The following DNAJA3 variants were observed in gnomAD, a reference collection of about 807,000 sequenced individuals.
DNAJA3 encodes the protein dnaJ homolog subfamily A member 3, mitochondrial.
Under a neutral mutation model 54.9 loss-of-function variants are expected in DNAJA3, and 29 were observed. That is an observed-to-expected ratio of 0.53 (90% CI 0.39 to 0.72). The LOEUF (loss-of-function observed/expected upper bound fraction) is 0.72, where lower values mean the gene tolerates loss of function less well. Ranked by LOEUF, DNAJA3 falls within the 30% of genes least tolerant of loss-of-function variation. The probability of loss-of-function intolerance (pLI) is 0.00; values close to 1 mark genes in which losing one functional copy is unlikely to be tolerated. For missense variants in DNAJA3, 708 were observed against 639.4 expected, an observed-to-expected ratio of 1.11 and a Z score of -1.16; for synonymous variants, 302 against 251.4, an observed-to-expected ratio of 1.20 and a Z score of -1.90.
In DNAJA3 at chr16:4,437,509, G is replaced by A. The variant is rs372179774; in HGVS notation, c.429+24G>A. 5.0e-6 allele frequency: 8 copies of A among 1,593,160 alleles called. No individual in the cohort carries two copies. In the African/African-American group the frequency reaches 1.1e-4, roughly 21 times the overall value. ...AGGTAATATGACTTCGGTGCATGCG[G>A]TCACTGCTGTTCAGCTATGTGTATG... On this transcript the variant is annotated intron_variant, in intron 3 of 11. Transcript: ENST00000262375.
intron 3 of DNAJA3, 80 bp downstream of exon 3, chr16:4,437,565 C>T (rs560380070): frequency 7.7e-6 from 9 of 1,168,152 alleles, no homozygotes; most frequent in Non-Finnish European, 1.1e-5. Flanking sequence ...CCTGGGACAG[C>T]CTGGTGTGTC....
chr16:4,453,001 T>G (rs1444005284), intron 10 of DNAJA3, among the ~76,000 whole-genome samples: 2 of 152,194 alleles, frequency 1.3e-5, no homozygotes, highest in African/African-American at 4.8e-5. Flanking sequence ...CATCCACATA[T>G]GACAGTATTA....
chr16:4,448,977 A>G (rs931555681), intron 9 of DNAJA3, 129 bp downstream of exon 9: 19 of 665,880 alleles, frequency 2.9e-5, no homozygotes, highest in Admixed American at 2.3e-4. Flanking sequence ...ATCTGTCTGT[A>G]AAGTGGACAT....
rs757677342 is a variant in DNAJA3, at chr16:4,444,735, G to T, written c.996+7G>T. 6.2e-7 allele frequency: 1 copy of T among 1,612,934 alleles called. No homozygotes were observed. The highest frequency in any genetic ancestry group is 8.5e-7 in the Non-Finnish European group (1 of 1,179,186). The stretch of plus-strand genomic sequence containing the variant: ...AATTTTCATTACGTTCAGGGTAGGT[G>T]CCCTGCCCCGCACAGCTTCTGTTGG... On this transcript the variant is annotated splice_region_variant and intron_variant, in intron 7 of 11. Transcript: ENST00000262375.
intron 7 of DNAJA3, 117 bp from the exon 8 acceptor site, chr16:4,446,769 A>T (rs1035753049): frequency 1.6e-6 from 2 of 1,251,386 alleles, no homozygotes; most frequent in African/African-American, 3.0e-5. Context: ...ACTGCACTTT[A>T]TGTATGGAAG....
chr16:4,448,338 AC>A (rs1468967710), intron 8 of DNAJA3, among the ~76,000 whole-genome samples: 20 of 132,658 alleles, frequency 1.5e-4, no homozygotes, highest in East Asian at 4.4e-4. Flanking sequence ...TTTTTTACCC[AC>A]CCCCTCCACC....
chr16:4,452,642 C>T (rs2056991617), intron 10 of DNAJA3, among the ~76,000 whole-genome samples: 1 of 152,174 alleles, frequency 6.6e-6, no homozygotes, highest in South Asian at 2.1e-4. Context: ...GATGCAGCGG[C>T]TCACACCTAT....
Position 4,454,834 on chromosome 16 carries a change from G to C in DNAJA3, c.1363G>C (p.Ala455Pro). 1.2e-6 allele frequency: 2 copies of C among 1,613,962 alleles called. No homozygotes were observed. The highest frequency in any genetic ancestry group is 2.2e-5 in the South Asian group (2 of 91,068). Residue 455 changes from alanine to proline, a missense_variant, in exon 11 of 12, where the codon GCA (alanine) becomes CCA (proline). Coordinates refer to ENST00000262375, the MANE Select transcript of DNAJA3 (RefSeq NM_005147.6). ...SSGGSTMDSS[A>P]GSKARREAGE... is the part of the protein sequence containing the mutation. ...AGGTGGCAGCACCATGGATAGCTCC[G>C]CAGGAAGCAAGGCTAGGCGTGAGGC...
rs61758418 is a variant in DNAJA3, at chr16:4,454,853, G to T, written c.1382G>T (p.Arg461Leu). Residue 461 changes from arginine to leucine, a missense_variant, in exon 11 of 12, where the codon CGT (arginine) becomes CTT (leucine). Physicochemically the swap from Arg to Leu is moderately radical, Grantham distance 102. Coordinates refer to ENST00000262375, the MANE Select transcript of DNAJA3 (RefSeq NM_005147.6). ...MDSSAGSKARREAGEDEEGFL... is the reference protein window; with the variant it reads ...MDSSAGSKARLEAGEDEEGFL... Reference sequence around the variant, plus strand: ...AGCTCCGCAGGAAGCAAGGCTAGGCGTGAGGCTGGGGAGGACGAGGAGGGA... The same window carrying T: ...AGCTCCGCAGGAAGCAAGGCTAGGCTTGAGGCTGGGGAGGACGAGGAGGGA... The T allele has an allele frequency of 1.2e-6, 2 of 1,614,128 alleles. No homozygotes were observed. The highest frequency in any genetic ancestry group is 1.7e-5 in the Admixed American group (1 of 60,022).
chr16:4,444,628 C>G (rs765161342), intron 6 of DNAJA3, 36 bp from the exon 7 acceptor site: 1 of 1,600,964 alleles, frequency 6.2e-7, no homozygotes, highest in Non-Finnish European at 8.6e-7. Context: ...GCCACCGCGT[C>G]CTGCCTAACT....
At chr16:4,449,022 A>G (rs2056942981) in intron 9 of DNAJA3, among the ~76,000 whole-genome samples, 174 bp downstream of exon 9, 1 of 151,978 alleles carries the variant, frequency 6.6e-6, no homozygotes, top group Non-Finnish European at 1.5e-5. Context: ...TTTGAGATGG[A>G]GTCTCGCTGT....
At chr16:4,428,152 C>T (rs141376200) in intron 1 of DNAJA3, among the ~76,000 whole-genome samples, 124 of 152,122 alleles carry the variant, frequency 8.2e-4, no homozygotes, top group African/African-American at 2.7e-3. Flanking sequence ...AGGGTTTCAC[C>T]GTGTTAGCCA....
chr16:4,442,683 A>G (rs1211197841), intron 5 of DNAJA3: 2 of 519,424 alleles, frequency 3.9e-6, no homozygotes, highest in Non-Finnish European at 6.7e-6. Flanking sequence ...TTATTTTTCT[A>G]ACAATTGCTT....
intron 5 of DNAJA3, 31 bp from the exon 6 acceptor site, chr16:4,442,986 C>T (rs1208172733): frequency 6.2e-7 from 1 of 1,608,946 alleles, no homozygotes; most frequent in South Asian, 1.1e-5. Flanking sequence ...TACCTGCGTA[C>T]TTAGGTTACC....
At position 4,437,390 on chromosome 16, in the gene DNAJA3, T is replaced by A; in HGVS notation, c.346-12T>A. On this transcript the variant is annotated splice_polypyrimidine_tract_variant and intron_variant, in intron 2 of 11. Coordinates refer to ENST00000262375, the MANE Select transcript of DNAJA3 (RefSeq NM_005147.6). ...ATTGTATCTGGAGTAATTTATCATG[T>A]TTTTCCCTTAGCTTGCCAAGAAGTA... 6.2e-7 allele frequency: 1 copy of A among 1,612,606 alleles called. No homozygotes were observed. The highest frequency in any genetic ancestry group is 1.3e-5 in the African/African-American group (1 of 74,996).
intron 1 of DNAJA3, among the ~76,000 whole-genome samples, chr16:4,426,499 A>T (rs1270690081): frequency 6.6e-6 from 1 of 152,214 alleles, no homozygotes; most frequent in Non-Finnish European, 1.5e-5. Context: ...CGTCATCACC[A>T]TTTTAAAGAA....
chr16:4,433,875 C>T (rs1357745356), intron 1 of DNAJA3: 1 of 157,662 alleles, frequency 6.3e-6, no homozygotes, highest in Admixed American at 6.4e-5. Context: ...ACTGTGGCTT[C>T]CTTAGCCATT....
intron 1 of DNAJA3, among the ~76,000 whole-genome samples, chr16:4,430,244 G>A (rs145937380): frequency 1.3e-5 from 2 of 152,008 alleles, no homozygotes; most frequent in East Asian, 1.9e-4. Flanking sequence ...CAACATTTTA[G>A]ATGTGACTTT....
chr16:4,434,573 C>T lies in DNAJA3; in HGVS notation c.345+56C>T, dbSNP rs2056749313. The T allele has an allele frequency of 1.1e-5, 18 of 1,586,782 alleles. No individual in the cohort carries two copies. In the South Asian group the frequency reaches 1.7e-4, roughly 15 times the overall value. ...AATTGTAGTAGGAATGTTGTTGATC[C>T]CATGTGATCCTGATCAGTACAGCGT... On this transcript the variant is annotated intron_variant, in intron 2 of 11. Coordinates refer to ENST00000262375, the MANE Select transcript of DNAJA3 (RefSeq NM_005147.6).
Sources: allele counts gnomAD v4.1 joint callset (sites outside exome capture counted in the v4.1 genomes callset), GRCh38; gene constraint gnomAD v4.1.1; transcripts MANE v1.5; gene names NCBI Gene and HGNC (gene_info 2026-07-23, HGNC 2026-07-21).